ALG12: variants seen among roughly 807,000 people sequenced by gnomAD.
ALG12 encodes ALG12 alpha-1,6-mannosyltransferase, also known as dol-P-Man:Man(7)GlcNAc(2)-PP-Dol alpha-1,6-mannosyltransferase.
ALG12 carries 36 observed loss-of-function variants against 46.0 expected under a neutral mutation model. That is an observed-to-expected ratio of 0.78 (90% CI 0.60 to 1.03). The LOEUF (loss-of-function observed/expected upper bound fraction) is 1.03, where lower values mean the gene tolerates loss of function less well. ALG12 is among the 50% of genes least tolerant of loss of function. The pLI is 0.00. For missense variants in ALG12, 599 were observed against 633.5 expected, an observed-to-expected ratio of 0.95 and a Z score of 0.58; for synonymous variants, 326 against 291.6, an observed-to-expected ratio of 1.12 and a Z score of -1.20.
chr22:49,907,680 A>C, intron 7 of ALG12, 41 bp downstream of exon 7: 1 of 1,592,358 alleles, frequency 6.3e-7, no homozygotes, highest in Non-Finnish European at 8.6e-7. Context: ...ACCTGTTTCC[A>C]ATGAAACTAT....
the ALG12 span, among the ~76,000 whole-genome samples, chr22:49,875,418 C>CTT: frequency 0.64 from 92,666 of 144,990 alleles, 33,330 homozygotes; most frequent in East Asian, 0.83. Flanking sequence ...AATTTATTTT[C>CTT]TTTTTTTTTT....
At chr22:49,887,119 C>G in the ALG12 span, 3 of 1,612,688 alleles carry the variant, frequency 1.9e-6, no homozygotes, top group Admixed American at 5.1e-5. Context: ...CATGATGGAA[C>G]ATTTTGAAAA....
At chr22:49,886,782 A>C in the ALG12 span, 1 of 1,612,772 alleles carries the variant, frequency 6.2e-7, no homozygotes, top group Non-Finnish European at 8.5e-7. The surrounding 1 kb of genome is among the most constrained non-coding windows in gnomAD (Gnocchi z 7.7). Context: ...ATTCTACCTC[A>C]GAGGACGTGG....
At chr22:49,865,897 G>GC in the ALG12 span, among the ~76,000 whole-genome samples, 2,699 of 148,222 alleles carry the variant, frequency 0.018, 71 homozygotes, top group African/African-American at 0.066. Flanking sequence ...TTTTTGTAGA[G>GC]CTGGGGGTCT....
the ALG12 span, among the ~76,000 whole-genome samples, chr22:49,874,728 GGAGGGC>G: frequency 8.2e-6 from 1 of 121,700 alleles, no homozygotes; most frequent in Non-Finnish European, 1.6e-5. Context: ...TCGCCAGGCT[GGAGGGC>G]AATGGCTCGA....
chr22:49,907,285 A>G (rs893490224), intron 7 of ALG12, among the ~76,000 whole-genome samples: 10 of 152,272 alleles, frequency 6.6e-5, no homozygotes, highest in Non-Finnish European at 1.5e-4. Flanking sequence ...TCACTCTCCC[A>G]TGACAGAGAC....
the ALG12 span, among the ~76,000 whole-genome samples, chr22:49,892,675 G>A: frequency 6.6e-6 from 1 of 152,338 alleles, no homozygotes. Context: ...GCAAACTGGA[G>A]AGGGACCAAC....
rs1200048955 is a variant in ALG12 at position 49,910,107 on chromosome 22, G to A, written c.470-19C>T. ...AGCAGGACTGCAAGACAGTGCGGGA[G>A]GGTGCTCGTCAAGACACAGGGCCCA... On this transcript the variant is annotated intron_variant, in intron 4 of 9. Transcript: ENST00000330817. The A allele has an allele frequency of 6.3e-7, 1 of 1,587,992 alleles. No homozygotes were observed. Among genetic ancestry groups the A allele is most frequent in the Non-Finnish European group, 8.6e-7 (1 of 1,167,774 alleles).
chr22:49,910,766 C>T (rs1393887324), intron 3 of ALG12, among the ~76,000 whole-genome samples, 159 bp from the exon 4 acceptor site: 1 of 152,230 alleles, frequency 6.6e-6, no homozygotes, highest in Non-Finnish European at 1.5e-5. Context: ...TTGAGGGCAT[C>T]GTCTCCATGT....
chr22:49,869,917 G>C, the ALG12 span, among the ~76,000 whole-genome samples: 1 of 152,168 alleles, frequency 6.6e-6, no homozygotes, highest in Non-Finnish European at 1.5e-5. Context: ...CGCCCAGATC[G>C]TGAGCATGGT....
At chr22:49,910,944 A>C (rs1687475692) in intron 3 of ALG12, among the ~76,000 whole-genome samples, 1 of 152,182 alleles carries the variant, frequency 6.6e-6, no homozygotes, top group Admixed American at 6.5e-5. Context: ...CTCCAGGGGA[A>C]ATGTTTGCAA....
At chr22:49,885,382 T>A in the ALG12 span, 1 of 1,593,888 alleles carries the variant, frequency 6.3e-7, no homozygotes, top group Non-Finnish European at 8.6e-7. Flanking sequence ...CTCCGCAGAC[T>A]CCACAAAAGT....
intron 3 of ALG12, among the ~76,000 whole-genome samples, chr22:49,912,504 C>T (rs950937942): frequency 2.0e-5 from 3 of 152,182 alleles, no homozygotes; most frequent in Admixed American, 2.0e-4. Context: ...AGGACATGCA[C>T]GGCTTGTCCA....
chr22:49,878,491 G>A, the ALG12 span, among the ~76,000 whole-genome samples: 1 of 152,132 alleles, frequency 6.6e-6, no homozygotes, highest in Non-Finnish European at 1.5e-5. Flanking sequence ...AGTTACATGG[G>A]CACTTCATGG....
chr22:49,884,323 C>G, the ALG12 span: 1 of 1,613,744 alleles, frequency 6.2e-7, no homozygotes. Context: ...GTCCCCCGAT[C>G]GAATAACAGA....
chr22:49,869,328 C>T, the ALG12 span, among the ~76,000 whole-genome samples: 2 of 152,270 alleles, frequency 1.3e-5, no homozygotes, highest in East Asian at 1.9e-4. Flanking sequence ...AGTGAGTGCA[C>T]GGCTGCCTAC....
the ALG12 span, chr22:49,885,949 G>A: frequency 2.5e-5 from 19 of 746,212 alleles, no homozygotes; most frequent in Admixed American, 1.9e-4. Flanking sequence ...GCGCTGTGAC[G>A]ACCACCACTG....
At chr22:49,910,850 T>G (rs957508591) in intron 3 of ALG12, among the ~76,000 whole-genome samples, 2 of 152,222 alleles carry the variant, frequency 1.3e-5, no homozygotes, top group African/African-American at 4.8e-5. Context: ...GGCTGCTCTC[T>G]GAAGCATGAG....
downstream of ALG12, among the ~76,000 whole-genome samples, chr22:49,896,512 G>A (rs532668193): frequency 6.0e-4 from 91 of 152,352 alleles, no homozygotes; most frequent in South Asian, 1.5e-3. Flanking sequence ...CCTCTCTGGC[G>A]TGGTCCAGCC....
Sources: gnomAD v4.1 joint callset for allele counts (sites outside exome capture counted in the v4.1 genomes callset) on GRCh38, gnomAD v4.1.1 for gene constraint, Gnocchi (gnomAD v3.1) non-coding constraint, MANE v1.5 for transcripts, NCBI Gene and HGNC (gene_info 2026-07-23, HGNC 2026-07-21) for gene names.